The following SLC2A1 variants were observed in gnomAD, a reference collection of about 807,000 sequenced individuals.
SLC2A1 encodes solute carrier family 2, facilitated glucose transporter member 1.
A neutral mutation model predicts 46.6 loss-of-function variants in SLC2A1; 4 were observed. The ratio of observed to expected loss-of-function variants is 0.09; its 90% CI spans 0.04 to 0.20. The LOEUF (loss-of-function observed/expected upper bound fraction) is 0.20, where lower values mean the gene tolerates loss of function less well. Ranked by LOEUF, SLC2A1 falls within the 10% of genes least tolerant of loss-of-function variation. The pLI is 1.00. For synonymous variants in SLC2A1, 253 were observed against 270.0 expected, an observed-to-expected ratio of 0.94 and a Z score of 0.62; for missense variants, 352 against 667.0, an observed-to-expected ratio of 0.53 and a Z score of 5.20.
At chr1:42,939,952 CAA>C (rs33944767) in intron 2 of SLC2A1, among the ~76,000 whole-genome samples, 36,064 of 91,292 alleles carry the variant, frequency 0.4, 6,600 homozygotes, top group East Asian at 0.53. Flanking sequence ...GACTCCGTCT[CAA>C]AAAAAAAAAA....
In SLC2A1 at chr1:42,929,803, G is replaced by T. The variant is rs753613662; in HGVS notation, c.680-23C>A. 2 of 1,614,230 alleles carry T rather than the reference G, an allele frequency of 1.2e-6. No homozygotes were observed. The highest frequency in any genetic ancestry group is 3.3e-5 in the Admixed American group (2 of 60,034). ...GCACTGGGGGGACCGGAGGGAAGGT[G>T]AGGGTGGCTCAGAGTGGGAAGAAGG... On this transcript the variant is annotated intron_variant, in intron 5 of 9. Transcript: ENST00000426263. The surrounding 1 kb of genome is among the most constrained non-coding windows in gnomAD (Gnocchi z 6.0).
At chr1:42,958,188 G>A (rs1185377877) in intron 1 of SLC2A1, among the ~76,000 whole-genome samples, 2 of 151,946 alleles carry the variant, frequency 1.3e-5, no homozygotes, top group African/African-American at 4.8e-5. Context: ...TCCGCGCGCC[G>A]GGGCCGGGGC....
chr1:42,935,680 G>A (rs1423171544), intron 2 of SLC2A1, among the ~76,000 whole-genome samples: 1 of 152,198 alleles, frequency 6.6e-6, no homozygotes, highest in East Asian at 1.9e-4. Context: ...CTGCTCGGCT[G>A]CTCCTGGCAG....
chr1:42,936,816 T>C (rs1440067300), intron 2 of SLC2A1, among the ~76,000 whole-genome samples: 1 of 152,108 alleles, frequency 6.6e-6, no homozygotes, highest in Non-Finnish European at 1.5e-5. Context: ...ACACCTTTGC[T>C]TGGGCCTAAT....
Position 42,930,979 on chromosome 1 carries a change from A to C in SLC2A1, c.275+67T>G. On this transcript the variant is annotated intron_variant, in intron 3 of 9. Transcript: ENST00000426263. This position sits in a 1 kb window ranked among gnomAD's most constrained non-coding sequence, Gnocchi z 6.2. ...ATAAGTCTCCCCTACCTCCCACCCC[A>C]TCTGGGACTCCCTGGGCAGGAGGGC... The C allele has an allele frequency of 1.2e-6, 2 of 1,610,062 alleles. No homozygotes were observed. The highest frequency in any genetic ancestry group is 1.7e-5 in the Admixed American group (1 of 59,614).
rs145831391 is a variant in SLC2A1 at position 42,935,214 on chromosome 1, T to G, written c.115-4008A>C. Among the ~76,000 whole-genome samples the G allele has an allele frequency of 3.9e-5, 6 of 152,300 alleles. No individual in the cohort carries two copies. In the East Asian group the frequency reaches 1.2e-3, roughly 29 times the overall value. ...CACTGAGCCTAGAGGACACCCACCA[T>G]GGAGACCACCCTGGAGAAGCAGGTT... On this transcript the variant is annotated intron_variant, in intron 2 of 9. Coordinates refer to ENST00000426263, the MANE Select transcript of SLC2A1 (RefSeq NM_006516.4).
intron 2 of SLC2A1, among the ~76,000 whole-genome samples, chr1:42,932,240 C>T (rs1485347248): frequency 6.6e-6 from 1 of 152,082 alleles, no homozygotes; most frequent in Non-Finnish European, 1.5e-5. Flanking sequence ...TGGAAACGCC[C>T]GTCCTAGGGC....
At chr1:42,958,584 G>T in intron 1 of SLC2A1, 50 bp downstream of exon 1, 1 of 1,491,560 alleles carries the variant, frequency 6.7e-7, no homozygotes, top group Non-Finnish European at 8.9e-7. Flanking sequence ...AGGCGGGCAG[G>T]AGTCTGCGCC....
At chr1:42,951,891 C>T (rs1643725274) in intron 1 of SLC2A1, 1 of 401,086 alleles carries the variant, frequency 2.5e-6, no homozygotes, top group Non-Finnish European at 4.4e-6. Context: ...GAGGGCTGCC[C>T]CACAGATGTA....
chr1:42,933,147 G>T (rs1194686623), intron 2 of SLC2A1, among the ~76,000 whole-genome samples: 2 of 152,200 alleles, frequency 1.3e-5, no homozygotes, highest in Non-Finnish European at 2.9e-5. Context: ...AACAGTGCTT[G>T]GTGTCATCAT....
chr1:42,925,371 T>C lies in SLC2A1; in HGVS notation c.*1670A>G, dbSNP rs1336572919. ...TCCCAGATTTTGTCAGCTGAGCCTCTAGAGACAAATATCTTTGGTGTTTTA... is the reference window on the plus strand; with the variant it reads ...TCCCAGATTTTGTCAGCTGAGCCTCCAGAGACAAATATCTTTGGTGTTTTA... On this transcript the variant is annotated 3_prime_UTR_variant, in exon 10 of 10. Transcript: ENST00000426263. The C allele has an allele frequency of 1.3e-5, 2 of 152,234 alleles. No individual in the cohort carries two copies. Among genetic ancestry groups the C allele is most frequent in the African/African-American group, 4.8e-5 (2 of 41,452 alleles). 9.4% of individuals were successfully genotyped at this position (152,234 alleles called of 1,614,324 possible).
Position 42,926,305 on chromosome 1 carries a change from C to T in SLC2A1, c.*736G>A, listed in dbSNP as rs1383403227. On this transcript the variant is annotated 3_prime_UTR_variant, in exon 10 of 10. Transcript: ENST00000426263. ...TATATATAAATATCTTGCATCTATACACAACAGGGCAGGAGTCTCCATGTC... is the reference window on the plus strand; with the variant it reads ...TATATATAAATATCTTGCATCTATATACAACAGGGCAGGAGTCTCCATGTC... 2 of 155,256 alleles carry T rather than the reference C, an allele frequency of 1.3e-5. No homozygotes were observed. Among genetic ancestry groups the T allele is most frequent in the African/African-American group, 4.8e-5 (2 of 41,472 alleles). The allele number at this position is 155,256 out of a possible 1,614,324, so 9.6% of individuals were successfully genotyped here. A position where few individuals can be genotyped will look rare whatever the true frequency, so the allele number is the denominator to read the frequency against.
At chr1:42,950,852 G>A (rs1324375564) in intron 1 of SLC2A1, among the ~76,000 whole-genome samples, 2 of 152,114 alleles carry the variant, frequency 1.3e-5, no homozygotes, top group African/African-American at 4.8e-5. Flanking sequence ...GCGCGCGCCT[G>A]TAATCCCAAC....
chr1:42,932,994 A>G (rs761893980), intron 2 of SLC2A1, among the ~76,000 whole-genome samples: 5 of 152,220 alleles, frequency 3.3e-5, no homozygotes, highest in African/African-American at 7.2e-5. Context: ...GATTCTGGAC[A>G]CAACTAAATT....
chr1:42,926,601 G>C lies in SLC2A1; in HGVS notation c.*440C>G. 1 of 913,792 alleles carries C rather than the reference G, an allele frequency of 1.1e-6. No homozygotes were observed. The highest frequency in any genetic ancestry group is 1.5e-5 in the South Asian group (1 of 66,196). The allele number at this position is 913,792 out of a possible 1,614,324, so 56.6% of individuals were successfully genotyped here. A position where few individuals can be genotyped will look rare whatever the true frequency, so the allele number is the denominator to read the frequency against. On this transcript the variant is annotated 3_prime_UTR_variant, in exon 10 of 10. Coordinates refer to ENST00000426263, the MANE Select transcript of SLC2A1 (RefSeq NM_006516.4). Reference sequence around the variant, plus strand: ...GAACGGGTGGCCATAGCCACCTCCTGGGATAGAAGCTTTGTAGTTCATAGT... The same window carrying C: ...GAACGGGTGGCCATAGCCACCTCCTCGGATAGAAGCTTTGTAGTTCATAGT...
In SLC2A1 at chr1:42,958,836, C is replaced by G. The variant is rs1001834885; in HGVS notation, c.-185G>C. 1.9e-5 allele frequency: 11 copies of G among 580,908 alleles called. No homozygotes were observed. Among genetic ancestry groups the G allele is most frequent in the Non-Finnish European group, 3.0e-5 (10 of 330,226 alleles). 36.0% of individuals were successfully genotyped at this position (580,908 alleles called of 1,614,324 possible). A position where few individuals can be genotyped will look rare whatever the true frequency, so the allele number is the denominator to read the frequency against. On this transcript the variant is annotated 5_prime_UTR_variant, in exon 1 of 10. Transcript: ENST00000426263. ...CACTCGGGGACCCGCGACTAGCGAC[C>G]GGCACGCTCGCTGTTGCTACCTCTT... is the stretch of plus-strand genomic sequence containing the variant.
rs11537640 is a variant in SLC2A1, at chr1:42,958,848, T to G, written c.-197A>C. On this transcript the variant is annotated 5_prime_UTR_variant, in exon 1 of 10. Transcript: ENST00000426263. ...CGCGACTAGCGACCGGCACGCTCGCTGTTGCTACCTCTTGCCTCTTGCCAG... is the reference window on the plus strand; with the variant it reads ...CGCGACTAGCGACCGGCACGCTCGCGGTTGCTACCTCTTGCCTCTTGCCAG... The G allele has an allele frequency of 0.22, 125,049 of 571,510 alleles. 14,196 individuals carry two copies. Among genetic ancestry groups the G allele is most frequent in the African/African-American group, 0.26 (13,106 of 50,680 alleles). The allele number at this position is 571,510 out of a possible 1,614,324, so 35.4% of individuals were successfully genotyped here.
intron 1 of SLC2A1, among the ~76,000 whole-genome samples, chr1:42,948,163 C>A (rs910622952): frequency 1.3e-5 from 2 of 152,184 alleles, no homozygotes; most frequent in African/African-American, 4.8e-5. Flanking sequence ...CAAGAGCCCT[C>A]CCTCTCCCAG....
At chr1:42,939,952 C>CAA (rs33944767) in intron 2 of SLC2A1, among the ~76,000 whole-genome samples, 1 of 91,612 alleles carries the variant, frequency 1.1e-5, no homozygotes, top group Non-Finnish European at 2.1e-5. Flanking sequence ...GACTCCGTCT[C>CAA]AAAAAAAAAA....
Sources: gnomAD v4.1 joint callset for allele counts (sites outside exome capture counted in the v4.1 genomes callset) on GRCh38, gnomAD v4.1.1 for gene constraint, Gnocchi (gnomAD v3.1) non-coding constraint, MANE v1.5 for transcripts, NCBI Gene and HGNC (gene_info 2026-07-23, HGNC 2026-07-21) for gene names.